SPOCK3: variants seen among roughly 807,000 people sequenced by gnomAD.
SPOCK3 encodes the protein SPARC (osteonectin), cwcv and kazal like domains proteoglycan 3.
In SPOCK3, 30 loss-of-function variants were observed where a neutral mutation model predicts 56.6. That is an observed-to-expected ratio of 0.53 (90% CI 0.40 to 0.72). The LOEUF is 0.72. Among genes scored for constraint, SPOCK3 ranks in the 30% least tolerant of loss-of-function variants. SPOCK3 has a pLI of 0.00. For synonymous variants in SPOCK3, 196 were observed against 183.3 expected (o/e 1.07, Z -0.56); for missense variants, 527 against 530.0 (o/e 0.99, Z 0.06).
chr4:167,204,399 G>T (rs1001937316), intron 2 of SPOCK3, among the ~76,000 whole-genome samples: 1 of 152,048 alleles, frequency 6.6e-6, no homozygotes. Context: ...AGCTGGGGAG[G>T]CCTCAGGAAA....
At chr4:166,835,500 AG>A (rs1351734787) in intron 6 of SPOCK3, among the ~76,000 whole-genome samples, 1 of 152,214 alleles carries the variant, frequency 6.6e-6, no homozygotes, top group African/African-American at 2.4e-5. Flanking sequence ...ATGTGAAACT[AG>A]GCCTTCATTT....
At chr4:166,860,802 C>CATATATATATATATATGTATATAT in intron 6 of SPOCK3, among the ~76,000 whole-genome samples, 3 of 101,938 alleles carry the variant, frequency 2.9e-5, no homozygotes, top group Non-Finnish European at 6.1e-5. Flanking sequence ...CACACAAATT[C>CATATATATATATATATGTATATAT]ATATATATAT....
At chr4:167,055,809 T>C (rs1240353868) in intron 3 of SPOCK3, among the ~76,000 whole-genome samples, 1 of 152,210 alleles carries the variant, frequency 6.6e-6, no homozygotes, top group Admixed American at 6.5e-5. Context: ...AAGCTTGAAC[T>C]GGGTGGAGCC....
intron 7 of SPOCK3, among the ~76,000 whole-genome samples, chr4:166,767,184 T>C (rs1251180382): frequency 1.3e-5 from 2 of 152,014 alleles, no homozygotes; most frequent in African/African-American, 2.4e-5. Flanking sequence ...GTGTCTCTAT[T>C]TCCTTCAGTT....
chr4:166,740,610 C>T (rs1343887844), intron 9 of SPOCK3, among the ~76,000 whole-genome samples: 2 of 151,806 alleles, frequency 1.3e-5, no homozygotes, highest in Non-Finnish European at 2.9e-5. Flanking sequence ...ACTGCAACAT[C>T]TTCCTCCCCG....
intron 2 of SPOCK3, among the ~76,000 whole-genome samples, chr4:167,122,170 TTCTC>T (rs1384729655): frequency 1.3e-5 from 2 of 151,424 alleles, no homozygotes; most frequent in African/African-American, 4.8e-5. Flanking sequence ...CTCTCTCTCT[TTCTC>T]TCTCTTTCTT....
At position 166,782,833 on chromosome 4, in the gene SPOCK3, A is replaced by G. The variant is rs368082299; in HGVS notation, c.709+9337T>C. On this transcript the variant is annotated intron_variant, in intron 7 of 10. Coordinates refer to ENST00000357545, the MANE Select transcript of SPOCK3 (RefSeq NM_001040159.2). The stretch of plus-strand genomic sequence containing the variant: ...TGCAAAAAATATATACATTAGGAGA[A>G]TATACAAATCAGTATTTTTGTGAGA... Among the ~76,000 whole-genome samples the G allele has an allele frequency of 2.0e-5, 3 of 152,334 alleles. No homozygotes were observed. In the East Asian group the frequency reaches 5.8e-4, roughly 29 times the overall value.
chr4:167,068,838 C>T (rs1256202915), intron 2 of SPOCK3, among the ~76,000 whole-genome samples: 1 of 151,738 alleles, frequency 6.6e-6, no homozygotes, highest in African/African-American at 2.4e-5. Context: ...TCAGAATGGA[C>T]TAAGTATGTA....
intron 3 of SPOCK3, among the ~76,000 whole-genome samples, chr4:167,026,044 G>T (rs759425998): frequency 1.3e-5 from 2 of 152,048 alleles, no homozygotes; most frequent in African/African-American, 4.8e-5. Flanking sequence ...ACACTGCCAC[G>T]TTACCATGGC....
chr4:166,913,857 AC>A (rs1168869764), intron 4 of SPOCK3, among the ~76,000 whole-genome samples: 1 of 152,134 alleles, frequency 6.6e-6, no homozygotes, highest in East Asian at 1.9e-4. Flanking sequence ...TCAGTTTTGT[AC>A]ATTCTGCCAA....
chr4:166,949,135 C>T (rs1013297318), intron 4 of SPOCK3, among the ~76,000 whole-genome samples: 2 of 152,166 alleles, frequency 1.3e-5, no homozygotes, highest in Admixed American at 6.5e-5. Context: ...TTGATCGCAT[C>T]CGCTCCTGAG....
At chr4:166,831,020 A>G (rs1348080124) in intron 6 of SPOCK3, among the ~76,000 whole-genome samples, 1 of 151,790 alleles carries the variant, frequency 6.6e-6, no homozygotes, top group Non-Finnish European at 1.5e-5. Flanking sequence ...TTTTTCATAT[A>G]TATTTTAGAA....
Position 167,087,219 on chromosome 4 carries a change from A to G in SPOCK3, c.190-24682T>C, listed in dbSNP as rs531360783. On this transcript the variant is annotated intron_variant, in intron 2 of 10. Transcript: ENST00000357545. ...CAGTTGTTACTATAACTTCTTTTCT[A>G]TAAGTGAGAAAACTGAAACATAGCT... is the stretch of plus-strand genomic sequence containing the variant. 5.9e-5 allele frequency among the ~76,000 whole-genome samples: 9 copies of G among 152,116 alleles called. No homozygotes were observed. In the South Asian group the frequency reaches 8.3e-4, roughly 14 times the overall value.
At position 167,083,146 on chromosome 4, in the gene SPOCK3, C is replaced by T; in HGVS notation, c.190-20609G>A. ...TAACTAATTACAGCTTTATGGTTGC[C>T]CTAGGCTGTTCTTCCTACAGACAAG... On this transcript the variant is annotated intron_variant, in intron 2 of 10. Transcript: ENST00000357545. 3 of 763,716 alleles carry T rather than the reference C, an allele frequency of 3.9e-6. No individual in the cohort carries two copies. In the South Asian group the frequency reaches 4.0e-5, roughly 10 times the overall value. 47.3% of individuals were successfully genotyped at this position (763,716 alleles called of 1,614,324 possible). A position where few individuals can be genotyped will look rare whatever the true frequency, so the allele number is the denominator to read the frequency against.
At chr4:166,776,058 T>C (rs916575840) in intron 7 of SPOCK3, among the ~76,000 whole-genome samples, 1 of 151,936 alleles carries the variant, frequency 6.6e-6, no homozygotes, top group Non-Finnish European at 1.5e-5. Flanking sequence ...AAACCAGTAA[T>C]AGTACTTTGT....
At chr4:167,199,764 T>C (rs1425131154) in intron 2 of SPOCK3, among the ~76,000 whole-genome samples, 1 of 149,374 alleles carries the variant, frequency 6.7e-6, no homozygotes, top group Admixed American at 6.7e-5. Flanking sequence ...CAAGTATCTA[T>C]GATTATCTCT....
At chr4:166,755,247 C>G (rs28433769) in intron 7 of SPOCK3, among the ~76,000 whole-genome samples, 50,140 of 151,772 alleles carry the variant, frequency 0.33, 8,445 homozygotes, top group Admixed American at 0.42. Flanking sequence ...ACCTGTTGAC[C>G]AGAGAAAGAA....
At chr4:167,155,823 C>A (rs188677946) in intron 2 of SPOCK3, among the ~76,000 whole-genome samples, 62 of 152,078 alleles carry the variant, frequency 4.1e-4, no homozygotes, top group African/African-American at 1.2e-3. Context: ...AATTTAAAAT[C>A]TAGTAGTCAA....
At chr4:167,000,573 T>G in intron 3 of SPOCK3, 110 bp from the exon 4 acceptor site, 1 of 560,602 alleles carries the variant, frequency 1.8e-6, no homozygotes, top group Non-Finnish European at 3.1e-6. Context: ...AATTGTAAAC[T>G]TTCTTCACAT....
Sources: allele counts gnomAD v4.1 joint callset (sites outside exome capture counted in the v4.1 genomes callset), GRCh38; gene constraint gnomAD v4.1.1; transcripts MANE v1.5; gene names NCBI Gene and HGNC (gene_info 2026-07-23, HGNC 2026-07-21).